The following CTNNA3 variants were observed in gnomAD, a reference collection of about 807,000 sequenced individuals.
CTNNA3 encodes the protein catenin alpha 3.
CTNNA3 carries 76 observed loss-of-function variants against 95.7 expected under a neutral mutation model. That is an observed-to-expected ratio of 0.79 (90% CI 0.66 to 0.96). The LOEUF (loss-of-function observed/expected upper bound fraction) is 0.96. Ranked by LOEUF, CTNNA3 falls within the 40% of genes least tolerant of loss-of-function variation. CTNNA3 has a pLI of 0.00. For missense variants in CTNNA3, 1,191 were observed against 1,089.8 expected, an observed-to-expected ratio of 1.09 and a Z score of -1.31; for synonymous variants, 431 against 374.4, an observed-to-expected ratio of 1.15 and a Z score of -1.74.
chr10:66,309,382 C>CA, intron 12 of CTNNA3, among the ~76,000 whole-genome samples: 1 of 151,936 alleles, frequency 6.6e-6, no homozygotes, highest in Admixed American at 6.6e-5. Flanking sequence ...CTCTGGAGCT[C>CA]AAAATTCTGT....
intron 13 of CTNNA3, among the ~76,000 whole-genome samples, chr10:66,278,385 A>G (rs1234672306): frequency 1.3e-5 from 2 of 151,828 alleles, no homozygotes; most frequent in Admixed American, 6.6e-5. Context: ...TGAAAATTAA[A>G]TAAAGACTAG....
chr10:65,970,869 C>G (rs1409309001), intron 16 of CTNNA3, among the ~76,000 whole-genome samples: 4 of 151,230 alleles, frequency 2.6e-5, no homozygotes, highest in Non-Finnish European at 5.9e-5. Context: ...CATCTGAATT[C>G]ATAAAACAAG....
chr10:66,464,446 C>T (rs543075607), intron 11 of CTNNA3, among the ~76,000 whole-genome samples: 14 of 152,086 alleles, frequency 9.2e-5, no homozygotes, highest in African/African-American at 3.4e-4. Flanking sequence ...CAGGCAGTTA[C>T]AAAATCAAAA....
intron 1 of CTNNA3, among the ~76,000 whole-genome samples, chr10:67,690,841 G>C (rs1265391388): frequency 6.6e-6 from 1 of 151,442 alleles, no homozygotes; most frequent in Non-Finnish European, 1.5e-5. Flanking sequence ...CCTTCATCTA[G>C]AAAGTCTTGC....
At chr10:66,953,846 A>T (rs980848186) in intron 7 of CTNNA3, among the ~76,000 whole-genome samples, 1 of 152,146 alleles carries the variant, frequency 6.6e-6, no homozygotes, top group African/African-American at 2.4e-5. Flanking sequence ...GTCAGTTCAA[A>T]TCTCAACCAG....
At chr10:66,918,705 A>G (rs775011086) in intron 7 of CTNNA3, among the ~76,000 whole-genome samples, 13 of 152,238 alleles carry the variant, frequency 8.5e-5, no homozygotes, top group Non-Finnish European at 1.8e-4. Context: ...TCTTGATACG[A>G]ACAAACCTAC....
intron 11 of CTNNA3, among the ~76,000 whole-genome samples, chr10:66,446,346 C>G (rs1225064308): frequency 1.3e-5 from 2 of 151,168 alleles, no homozygotes; most frequent in African/African-American, 4.9e-5. Context: ...CATCCTGATA[C>G]CAAAGCCTGG....
chr10:67,422,372 G>C (rs1165338352), intron 5 of CTNNA3, among the ~76,000 whole-genome samples: 1 of 152,192 alleles, frequency 6.6e-6, no homozygotes, highest in Non-Finnish European at 1.5e-5. Context: ...AGAAGGAAGA[G>C]AGAGAGAATG....
chr10:66,448,272 T>C lies in CTNNA3; in HGVS notation c.1532-68920A>G, dbSNP rs189246360. 1.6e-4 allele frequency among the ~76,000 whole-genome samples: 25 copies of C among 152,332 alleles called. No homozygotes were observed. In the East Asian group the frequency reaches 3.9e-3, roughly 24 times the overall value. On this transcript the variant is annotated intron_variant, in intron 11 of 17. Transcript: ENST00000433211. The stretch of plus-strand genomic sequence containing the variant: ...ACCATTGTGGAAGTCAGTGTAGTGA[T>C]TCCACAGGGATCTAGAACTAGAAAT...
At chr10:67,646,185 T>TC (rs1156986338) in intron 2 of CTNNA3, among the ~76,000 whole-genome samples, 1 of 145,724 alleles carries the variant, frequency 6.9e-6, no homozygotes, top group Non-Finnish European at 1.5e-5. Flanking sequence ...GGTTTTTCTT[T>TC]CTTTTTTTTT....
intron 15 of CTNNA3, among the ~76,000 whole-genome samples, chr10:66,023,254 C>T (rs1423768051): frequency 1.3e-5 from 2 of 152,102 alleles, no homozygotes; most frequent in African/African-American, 2.4e-5. Flanking sequence ...TTAAGTAGTT[C>T]GTGGAATTGC....
At chr10:66,163,327 T>C (rs2084949111) in intron 13 of CTNNA3, among the ~76,000 whole-genome samples, 1 of 152,126 alleles carries the variant, frequency 6.6e-6, no homozygotes, top group Non-Finnish European at 1.5e-5. Context: ...CCAATGGATC[T>C]CTGTGGTGCC....
intron 13 of CTNNA3, among the ~76,000 whole-genome samples, chr10:66,177,607 A>C (rs903180040): frequency 5.3e-5 from 8 of 152,084 alleles, no homozygotes; most frequent in African/African-American, 1.9e-4. Context: ...CCTAGACTGA[A>C]GAATTTTACC....
chr10:66,103,476 T>A (rs2133746467), intron 13 of CTNNA3, among the ~76,000 whole-genome samples: 1 of 152,254 alleles, frequency 6.6e-6, no homozygotes, highest in Non-Finnish European at 1.5e-5. Context: ...GGAAACCAAA[T>A]GTATGCTTAC....
chr10:66,180,767 G>A (rs2085998252), intron 13 of CTNNA3, among the ~76,000 whole-genome samples: 1 of 152,044 alleles, frequency 6.6e-6, no homozygotes, highest in South Asian at 2.1e-4. Flanking sequence ...AAAATGTTAC[G>A]TCATCTTCAT....
intron 7 of CTNNA3, among the ~76,000 whole-genome samples, chr10:67,089,794 ATCCATTGCCT>A (rs1225052937): frequency 2.7e-5 from 4 of 150,332 alleles, no homozygotes; most frequent in Non-Finnish European, 5.9e-5. Context: ...TAGGCCCCCC[ATCCATTGCCT>A]TCCTTTACTA....
intron 7 of CTNNA3, among the ~76,000 whole-genome samples, chr10:66,939,903 C>T (rs1457373110): frequency 6.6e-6 from 1 of 152,174 alleles, no homozygotes; most frequent in Non-Finnish European, 1.5e-5. Flanking sequence ...TCCTCAAGTT[C>T]TCTCTTTGTT....
chr10:67,499,019 CA>C (rs1270533558), intron 5 of CTNNA3, among the ~76,000 whole-genome samples: 1 of 152,158 alleles, frequency 6.6e-6, no homozygotes, highest in African/African-American at 2.4e-5. Context: ...TGCCAGTTTT[CA>C]AAGGGAATGC....
chr10:67,097,570 A>T, intron 7 of CTNNA3: 1 of 1,608,084 alleles, frequency 6.2e-7, no homozygotes. Flanking sequence ...GACTTTTCTC[A>T]TGTCATTTTT....
Sources: allele counts gnomAD v4.1 joint callset (sites outside exome capture counted in the v4.1 genomes callset), GRCh38; gene constraint gnomAD v4.1.1; transcripts MANE v1.5; gene names NCBI Gene and HGNC (gene_info 2026-07-23, HGNC 2026-07-21).